ERBB4: variants seen among roughly 807,000 people sequenced by gnomAD.
ERBB4 encodes erb-b2 receptor tyrosine kinase 4.
ERBB4 carries 42 observed loss-of-function variants against 158.0 expected under a neutral mutation model. The ratio of observed to expected loss-of-function variants is 0.27; its 90% confidence interval spans 0.21 to 0.34. The LOEUF (loss-of-function observed/expected upper bound fraction) is 0.34, where lower values mean the gene tolerates loss of function less well. ERBB4 is among the 10% of genes least tolerant of loss of function. The probability of loss-of-function intolerance (pLI) is 1.00; values close to 1 mark genes in which losing one functional copy is unlikely to be tolerated. For missense variants in ERBB4, 1,333 were observed against 1,624.1 expected (o/e 0.82, Z 3.08); for synonymous variants, 583 against 558.7 (o/e 1.04, Z -0.61).
chr2:211,930,345 T>C (rs1431386541), intron 3 of ERBB4, among the ~76,000 whole-genome samples: 1 of 152,082 alleles, frequency 6.6e-6, no homozygotes, highest in African/African-American at 2.4e-5. Flanking sequence ...AATGTGAGAG[T>C]TTAAGCTGTC....
intron 1 of ERBB4, among the ~76,000 whole-genome samples, chr2:212,308,133 T>C (rs1040044694): frequency 6.6e-6 from 1 of 151,094 alleles, no homozygotes; most frequent in Non-Finnish European, 1.5e-5. Flanking sequence ...AAATACTTGG[T>C]TGTTTATTTT....
chr2:211,614,440 A>G (rs1330933307), intron 19 of ERBB4, among the ~76,000 whole-genome samples: 3 of 152,034 alleles, frequency 2.0e-5, no homozygotes, highest in African/African-American at 4.8e-5. Flanking sequence ...TTGTAACTCA[A>G]AGGATAAATG....
At chr2:212,537,550 G>T (rs1387061787) in intron 1 of ERBB4, among the ~76,000 whole-genome samples, 1 of 152,024 alleles carries the variant, frequency 6.6e-6, no homozygotes, top group Non-Finnish European at 1.5e-5. Flanking sequence ...GCAAGCAGTG[G>T]CCGCGCACCC....
At chr2:211,419,449 G>A (rs553946176) in intron 25 of ERBB4, among the ~76,000 whole-genome samples, 41 of 152,108 alleles carry the variant, frequency 2.7e-4, no homozygotes, top group Non-Finnish European at 4.6e-4. Context: ...AAGAGAAATC[G>A]GATGCTGTCG....
intron 1 of ERBB4, among the ~76,000 whole-genome samples, chr2:212,343,630 C>T (rs1236175393): frequency 1.3e-5 from 2 of 152,104 alleles, no homozygotes; most frequent in African/African-American, 4.8e-5. Context: ...ATTCTAAACA[C>T]ATCACTTCAG....
At chr2:212,046,505 A>T (rs1192591678) in intron 2 of ERBB4, among the ~76,000 whole-genome samples, 1 of 152,140 alleles carries the variant, frequency 6.6e-6, no homozygotes, top group Non-Finnish European at 1.5e-5. Flanking sequence ...ATCTGATATC[A>T]CTCCCATATG....
At chr2:212,488,874 C>A (rs577486304) in intron 1 of ERBB4, among the ~76,000 whole-genome samples, 1 of 150,626 alleles carries the variant, frequency 6.6e-6, no homozygotes, top group African/African-American at 2.4e-5. Context: ...CTTGTGGTCA[C>A]TCCCTCAAAC....
intron 9 of ERBB4, among the ~76,000 whole-genome samples, chr2:211,709,858 T>G (rs2073624852): frequency 6.6e-6 from 1 of 152,118 alleles, no homozygotes; most frequent in Non-Finnish European, 1.5e-5. Context: ...CTCTTTCTTT[T>G]GTCATATAAC....
chr2:211,535,584 A>AGTATAT (rs1553561671), intron 20 of ERBB4: 1 of 144,554 alleles, frequency 6.9e-6, no homozygotes, highest in Non-Finnish European at 1.5e-5. Flanking sequence ...AGAGAGAGAG[A>AGTATAT]GTGTATGTGT....
intron 20 of ERBB4, among the ~76,000 whole-genome samples, chr2:211,472,977 C>T (rs1384666716): frequency 1.3e-5 from 2 of 151,614 alleles, no homozygotes; most frequent in Admixed American, 6.6e-5. Flanking sequence ...CTAAAAAATA[C>T]CTCTGCCTCC....
chr2:211,781,951 C>T (rs1318538861), intron 4 of ERBB4, among the ~76,000 whole-genome samples: 1 of 152,168 alleles, frequency 6.6e-6, no homozygotes, highest in African/African-American at 2.4e-5. Flanking sequence ...GTAAGACACT[C>T]AGGGTTTGCT....
intron 1 of ERBB4, among the ~76,000 whole-genome samples, chr2:212,427,137 A>G (rs2091931752): frequency 6.6e-6 from 1 of 152,158 alleles, no homozygotes; most frequent in Non-Finnish European, 1.5e-5. Context: ...TATGGAAATG[A>G]GTGTAATTAG....
intron 19 of ERBB4, among the ~76,000 whole-genome samples, chr2:211,606,906 C>T (rs1330124380): frequency 6.6e-6 from 1 of 152,106 alleles, no homozygotes; most frequent in Non-Finnish European, 1.5e-5. Context: ...TATACTCAAA[C>T]CCCTTGTGTT....
Position 211,450,132 on chromosome 2 carries a change from GA to G in ERBB4, c.2488-19033del, listed in dbSNP as rs2064208175. On this transcript the variant is annotated intron_variant, in intron 20 of 27. Coordinates refer to ENST00000342788, the MANE Select transcript of ERBB4 (RefSeq NM_005235.3). ...GAGGCAGCCTGGTTTCAGGTCTAAG[GA>G]ATACATGTGCAGAACTGGGATTAGA... 2.0e-5 allele frequency among the ~76,000 whole-genome samples: 3 copies of G among 152,274 alleles called. No individual in the cohort carries two copies. In the South Asian group the frequency reaches 6.2e-4, roughly 32 times the overall value.
intron 1 of ERBB4, among the ~76,000 whole-genome samples, chr2:212,168,640 A>G (rs1264242159): frequency 6.6e-6 from 1 of 152,140 alleles, no homozygotes; most frequent in East Asian, 1.9e-4. Flanking sequence ...AACAAAAACT[A>G]GCTTCAACAG....
At chr2:212,509,318 CTT>C (rs1458701089) in intron 1 of ERBB4, among the ~76,000 whole-genome samples, 1 of 151,884 alleles carries the variant, frequency 6.6e-6, no homozygotes, top group Non-Finnish European at 1.5e-5. Context: ...CATTATGACT[CTT>C]GTGTCCATTT....
chr2:212,350,692 A>T (rs1012299658), intron 1 of ERBB4, among the ~76,000 whole-genome samples: 1 of 152,152 alleles, frequency 6.6e-6, no homozygotes, highest in Non-Finnish European at 1.5e-5. Flanking sequence ...TCATGAGTTT[A>T]TAAAATTGCC....
intron 3 of ERBB4, among the ~76,000 whole-genome samples, chr2:211,834,828 G>T (rs2077304369): frequency 6.6e-6 from 1 of 152,102 alleles, no homozygotes. Context: ...CCTTCTTGAT[G>T]TACCACTTGG....
chr2:211,961,213 G>A (rs2081172196), intron 2 of ERBB4, among the ~76,000 whole-genome samples: 1 of 147,866 alleles, frequency 6.8e-6, no homozygotes, highest in Non-Finnish European at 1.5e-5. Flanking sequence ...CATTGTTCCT[G>A]CATTGGTGTG....
Sources: gnomAD v4.1 joint callset for allele counts (sites outside exome capture counted in the v4.1 genomes callset) on GRCh38, gnomAD v4.1.1 for gene constraint, MANE v1.5 for transcripts, NCBI Gene and HGNC (gene_info 2026-07-23, HGNC 2026-07-21) for gene names.